Variants in CD109 observed in about 807,000 individuals in gnomAD.
CD109 encodes the protein CD109 molecule, also known as CD109 antigen.
A neutral mutation model predicts 165.8 loss-of-function variants in CD109; 149 were observed. The ratio of observed to expected loss-of-function variants is 0.90; its 90% CI spans 0.79 to 1.03. The LOEUF (loss-of-function observed/expected upper bound fraction) is 1.03. Among genes scored for constraint, CD109 ranks in the 50% least tolerant of loss-of-function variants. The probability of loss-of-function intolerance (pLI) is 0.00; values close to 1 mark genes in which losing one functional copy is unlikely to be tolerated. For missense variants in CD109, 1,712 were observed against 1,677.8 expected, an observed-to-expected ratio of 1.02 and a Z score of -0.36; for synonymous variants, 585 against 592.1, an observed-to-expected ratio of 0.99 and a Z score of 0.18.
rs532526452 is a variant in CD109 at position 73,789,799 on chromosome 6, C to G, written c.2701+1187C>G. The stretch of plus-strand genomic sequence containing the variant: ...TTCCTTTGATGGAGTCTTGCTCTGT[C>G]TCCCAGGCTAGAGTGCAGTGGCAGG... On this transcript the variant is annotated intron_variant, in intron 22 of 32. Transcript: ENST00000287097. 3.5e-5 allele frequency among the ~76,000 whole-genome samples: 5 copies of G among 141,260 alleles called. No individual in the cohort carries two copies. In the South Asian group the frequency reaches 9.3e-4, roughly 26 times the overall value. 92.7% of individuals were successfully genotyped at this position (141,260 alleles called of 152,430 possible). A position where few individuals can be genotyped will look rare whatever the true frequency, so the allele number is the denominator to read the frequency against.
intron 5 of CD109, among the ~76,000 whole-genome samples, chr6:73,741,406 A>AAG (rs1772780762): frequency 6.6e-6 from 1 of 152,186 alleles, no homozygotes; most frequent in African/African-American, 2.4e-5. Context: ...GCAGAGGTAT[A>AAG]TTTTAGCTGT....
intron 8 of CD109, 99 bp from the exon 9 acceptor site, chr6:73,762,642 G>A: frequency 3.9e-6 from 4 of 1,031,080 alleles, no homozygotes; most frequent in South Asian, 1.6e-5. Context: ...GATTAAAATG[G>A]TACCAGAGCT....
In CD109 at chr6:73,808,237, C is replaced by T; in HGVS notation, c.3344C>T (p.Ala1115Val). 1 of 1,612,452 alleles carries T rather than the reference C, an allele frequency of 6.2e-7. No homozygotes were observed. Among genetic ancestry groups the T allele is most frequent in the Non-Finnish European group, 8.5e-7 (1 of 1,179,260 alleles). ...GCTTTGAATATGCTGACTTGGAGAGCAGAACAAGAAGGTAATGTGCTGGGC... is the reference window on the plus strand; with the variant it reads ...GCTTTGAATATGCTGACTTGGAGAGTAGAACAAGAAGGTAATGTGCTGGGC... ...KEALNMLTWR[A>V]EQEGGMQFWV... The change falls in exon 26 of 33, where the codon GCA becomes GTA. Residue 1115 changes from alanine (A) to valine (V), a missense_variant. By Grantham distance (64) the Ala-to-Val change is moderately conservative. Transcript: ENST00000287097.
intron 14 of CD109, among the ~76,000 whole-genome samples, chr6:73,769,885 A>G (rs534945213): frequency 1.3e-5 from 2 of 152,332 alleles, no homozygotes; most frequent in East Asian, 3.9e-4. Flanking sequence ...GGCATGTCAG[A>G]AAAAAATTGC....
Position 73,820,466 on chromosome 6 carries a change from T to C in CD109, c.4065T>C (p.Asn1355=), listed in dbSNP as rs773730718. 1.3e-6 allele frequency: 2 copies of C among 1,599,540 alleles called. No homozygotes were observed. The highest frequency in any genetic ancestry group is 8.6e-7 in the Non-Finnish European group (1 of 1,168,632). The stretch of plus-strand genomic sequence containing the variant: ...ACTCTTTTGTATTTCTCAAGGTAAA[T>C]GAAACCCAGTTTTGTGTTAATATTC... The part of the protein sequence containing the change: ...GKLNLYLDSV[N]ETQFCVNIPA... Residue 1355 remains asparagine (N), a synonymous_variant, in exon 32 of 33, where the codon AAT becomes AAC. Coordinates refer to ENST00000287097, the MANE Select transcript of CD109 (RefSeq NM_133493.5).
upstream of CD109, chr6:73,695,773 T>C (rs1179520482): frequency 5.0e-6 from 1 of 201,482 alleles, no homozygotes; most frequent in African/African-American, 2.4e-5. Flanking sequence ...GATTGACTTT[T>C]TTCCACTTCA....
intron 5 of CD109, among the ~76,000 whole-genome samples, chr6:73,751,773 C>T (rs564941220): frequency 6.6e-6 from 1 of 152,306 alleles, no homozygotes; most frequent in Admixed American, 6.5e-5. Context: ...CCTGATGCCC[C>T]AGGGTGGGGT....
intron 5 of CD109, among the ~76,000 whole-genome samples, chr6:73,756,120 A>G (rs1443680561): frequency 6.6e-6 from 1 of 152,242 alleles, no homozygotes; most frequent in Non-Finnish European, 1.5e-5. Flanking sequence ...TAAGAATTAC[A>G]GTAGAAAATA....
At chr6:73,740,000 C>A (rs35027042) in intron 5 of CD109, among the ~76,000 whole-genome samples, 48,249 of 151,994 alleles carry the variant, frequency 0.32, 7,650 homozygotes, top group Admixed American at 0.36. Context: ...TCCTGAGTAG[C>A]AGGGACTACA....
chr6:73,808,070 T>C lies in CD109; in HGVS notation c.3190-13T>C. 1 of 1,610,626 alleles carries C rather than the reference T, an allele frequency of 6.2e-7. No individual in the cohort carries two copies. The highest frequency in any genetic ancestry group is 1.7e-5 in the Admixed American group (1 of 59,542). On this transcript the variant is annotated splice_polypyrimidine_tract_variant and intron_variant, in intron 25 of 32. Transcript: ENST00000287097. Reference sequence around the variant, plus strand: ...ACTCTGAATAGTAAAAAACATACTTTTTTTCTTCCAAGCCTAACATTGATG... The same window carrying C: ...ACTCTGAATAGTAAAAAACATACTTCTTTTCTTCCAAGCCTAACATTGATG...
chr6:73,747,590 A>G (rs1311126515), intron 5 of CD109, among the ~76,000 whole-genome samples: 5 of 152,174 alleles, frequency 3.3e-5, no homozygotes, highest in Non-Finnish European at 5.9e-5. Context: ...GAGAGAACCT[A>G]TACCTCTGAG....
At chr6:73,792,554 A>G in intron 22 of CD109, 72 bp from the exon 23 acceptor site, 1 of 1,306,902 alleles carries the variant, frequency 7.7e-7, no homozygotes, top group Non-Finnish European at 1.1e-6. Context: ...TACTCAGTGG[A>G]AGTCTCTTTG....
intron 14 of CD109, among the ~76,000 whole-genome samples, chr6:73,771,160 G>C (rs1316176157): frequency 1.3e-5 from 2 of 152,204 alleles, no homozygotes; most frequent in African/African-American, 4.8e-5. Flanking sequence ...GATCTGAGGG[G>C]TGGGAGATGG....
intron 29 of CD109, among the ~76,000 whole-genome samples, chr6:73,814,162 G>T (rs1775849419): frequency 6.6e-6 from 1 of 152,106 alleles, no homozygotes; most frequent in African/African-American, 2.4e-5. Flanking sequence ...TCTGAGGGGT[G>T]TGTGTGTATG....
At chr6:73,791,938 C>G (rs1259591134) in intron 22 of CD109, among the ~76,000 whole-genome samples, 1 of 152,098 alleles carries the variant, frequency 6.6e-6, no homozygotes. Flanking sequence ...GAAAGATACT[C>G]TTATCTATAC....
chr6:73,685,795 A>G, the CD109 span, among the ~76,000 whole-genome samples: 4 of 152,206 alleles, frequency 2.6e-5, no homozygotes, highest in African/African-American at 9.7e-5. Context: ...GAAAACATAC[A>G]GTATTTGGTT....
intron 4 of CD109, among the ~76,000 whole-genome samples, chr6:73,733,505 C>T (rs1243017453): frequency 6.6e-6 from 1 of 152,196 alleles, no homozygotes; most frequent in Non-Finnish European, 1.5e-5. Context: ...AAAACATAAC[C>T]TATGTCTCCC....
intron 2 of CD109, among the ~76,000 whole-genome samples, chr6:73,715,736 C>T (rs1440428772): frequency 3.9e-5 from 6 of 152,166 alleles, no homozygotes; most frequent in South Asian, 4.1e-4. Flanking sequence ...CTGGGGTATC[C>T]GTTCCCTCAA....
At chr6:73,806,111 C>CT (rs1389302878) in intron 24 of CD109, among the ~76,000 whole-genome samples, 2 of 152,106 alleles carry the variant, frequency 1.3e-5, no homozygotes, top group East Asian at 3.9e-4. Flanking sequence ...TGGAACCAGC[C>CT]CAAATGTCCA....
Sources: gnomAD v4.1 joint callset for allele counts (sites outside exome capture counted in the v4.1 genomes callset) on GRCh38, gnomAD v4.1.1 for gene constraint, MANE v1.5 for transcripts, NCBI Gene and HGNC (gene_info 2026-07-23, HGNC 2026-07-21) for gene names.